Variants in EEF1AKMT3 observed in about 807,000 individuals in gnomAD.
EEF1AKMT3 encodes the protein EEF1A lysine methyltransferase 3, also known as eEF1A-KMT3.
In EEF1AKMT3, 17 loss-of-function variants were observed where a neutral mutation model predicts 17.8. The observed-to-expected ratio is 0.96, with a 90% CI of 0.65 to 1.43. EEF1AKMT3 has a LOEUF of 1.43. EEF1AKMT3 is among the 40% of genes most tolerant of loss of function. The pLI, the probability that EEF1AKMT3 is intolerant of heterozygous loss-of-function variation, is 0.00. For missense variants in EEF1AKMT3, 244 were observed against 285.8 expected, an observed-to-expected ratio of 0.85 and a Z score of 1.06; for synonymous variants, 116 against 126.5, an observed-to-expected ratio of 0.92 and a Z score of 0.56.
chr12:57,780,815 C>A lies in EEF1AKMT3; in HGVS notation c.*169C>A. 1.2e-6 allele frequency: 1 copy of A among 847,256 alleles called. No individual in the cohort carries two copies. 52.5% of individuals were successfully genotyped at this position (847,256 alleles called of 1,614,324 possible). The stretch of plus-strand genomic sequence containing the variant: ...TACCCCAGATACTCTTGGGCAGGTG[C>A]AGTGAGGTGCCTGCTTACAAGGAAT... On this transcript the variant is annotated 3_prime_UTR_variant, in exon 3 of 3. Transcript: ENST00000300209.
chr12:57,779,730 A>C (rs1401011270), intron 2 of EEF1AKMT3, among the ~76,000 whole-genome samples: 1 of 152,092 alleles, frequency 6.6e-6, no homozygotes, highest in Non-Finnish European at 1.5e-5. Flanking sequence ...TGTCATAATC[A>C]CTTTCCCTTT....
chr12:57,772,806 T>A lies in EEF1AKMT3; in HGVS notation c.82T>A (p.Ser28Thr), dbSNP rs778672886. The change falls in exon 1 of 3, where the codon TCG (serine) becomes ACG (threonine). Residue 28 changes from serine to threonine, a missense_variant. Coordinates refer to ENST00000300209, the MANE Select transcript of EEF1AKMT3 (RefSeq NM_015433.3). The surrounding 1 kb of genome is among the most constrained non-coding windows in gnomAD (Gnocchi z 4.1). ...REVGLFADSYSEKSQFCFCGH... is the reference protein window; with the variant it reads ...REVGLFADSYTEKSQFCFCGH... ...GGTCGGGCTCTTTGCAGACTCTTAC[T>A]CGGAGAAGAGCCAGTTCTGTTTCTG... 6.2e-7 allele frequency: 1 copy of A among 1,614,162 alleles called. No individual in the cohort carries two copies.
Position 57,782,154 on chromosome 12 carries a change from C to A in EEF1AKMT3, c.*1508C>A, listed in dbSNP as rs1955520532. On this transcript the variant is annotated 3_prime_UTR_variant, in exon 3 of 3. Transcript: ENST00000300209. The stretch of plus-strand genomic sequence containing the variant: ...TGTCAAAATCTTCATTATTCTTTGC[C>A]TCTTTCCTGAGCCTCTTGCTTGAAT... 6.6e-6 allele frequency: 1 copy of A among 152,222 alleles called. No homozygotes were observed. The highest frequency in any genetic ancestry group is 6.5e-5 in the Admixed American group (1 of 15,292). 9.4% of individuals were successfully genotyped at this position (152,222 alleles called of 1,614,324 possible).
intron 2 of EEF1AKMT3, among the ~76,000 whole-genome samples, chr12:57,778,858 G>C (rs1397504613): frequency 6.6e-6 from 1 of 151,988 alleles, no homozygotes; most frequent in Non-Finnish European, 1.5e-5. Context: ...ATGCCAGCGT[G>C]TGCCATTCTT....
At position 57,772,830 on chromosome 12, in the gene EEF1AKMT3, T is replaced by C. The variant is rs1334424639; in HGVS notation, c.106T>C (p.Cys36Arg). The change falls in exon 1 of 3, where the codon TGT becomes CGT. Residue 36 changes from cysteine to arginine, a missense_variant. Physicochemically the swap from Cys to Arg is radical, Grantham distance 180 (BLOSUM62 -3). Transcript: ENST00000300209. The surrounding 1 kb of genome is among the most constrained non-coding windows in gnomAD (Gnocchi z 4.1). Reference protein sequence around the residue: ...SYSEKSQFCFCGHVLTITQNF... With the variant: ...SYSEKSQFCFRGHVLTITQNF... ...CTCGGAGAAGAGCCAGTTCTGTTTC[T>C]GTGGGCATGTGCTGACCATCACGCA... is the stretch of plus-strand genomic sequence containing the variant. The C allele has an allele frequency of 1.2e-6, 2 of 1,614,196 alleles. No individual in the cohort carries two copies. The highest frequency in any genetic ancestry group is 4.5e-5 in the East Asian group (2 of 44,880).
At chr12:57,774,226 A>G (rs1412005565) in intron 2 of EEF1AKMT3, among the ~76,000 whole-genome samples, 1 of 152,226 alleles carries the variant, frequency 6.6e-6, no homozygotes, top group Non-Finnish European at 1.5e-5. Context: ...CACACCTGTA[A>G]TCCCAGCCCT....
At chr12:57,777,375 A>G (rs561971707) in intron 2 of EEF1AKMT3, among the ~76,000 whole-genome samples, 1 of 152,192 alleles carries the variant, frequency 6.6e-6, no homozygotes, top group African/African-American at 2.4e-5. Context: ...TTCAGTGTCT[A>G]GTTCCTCTCC....
At position 57,781,067 on chromosome 12, in the gene EEF1AKMT3, C is replaced by CTT; in HGVS notation, c.*429_*430dup. ...CTGTGGGATTTTTTTTTCTTTTTTT[C>CTT]TTTTTTTTTGAGACAGGGTCTCACT... On this transcript the variant is annotated 3_prime_UTR_variant, in exon 3 of 3. Coordinates refer to ENST00000300209, the MANE Select transcript of EEF1AKMT3 (RefSeq NM_015433.3). 5.0e-6 allele frequency: 1 copy of CTT among 200,600 alleles called. No homozygotes were observed. Among genetic ancestry groups the CTT allele is most frequent in the South Asian group, 8.1e-5 (1 of 12,392 alleles). The allele number at this position is 200,600 out of a possible 1,614,324, so 12.4% of individuals were successfully genotyped here.
At chr12:57,775,651 A>C in intron 2 of EEF1AKMT3, among the ~76,000 whole-genome samples, 1 of 152,168 alleles carries the variant, frequency 6.6e-6, no homozygotes, top group East Asian at 1.9e-4. Flanking sequence ...TGTCTGGGGA[A>C]GTATTATCTT....
chr12:57,778,307 T>TTTTTTTTTTTTTTTTTTTTTTTTTTC (rs536788916), intron 2 of EEF1AKMT3, among the ~76,000 whole-genome samples: 4 of 105,388 alleles, frequency 3.8e-5, no homozygotes, highest in Non-Finnish European at 7.9e-5. Flanking sequence ...TTTTTTTTTT[T>TTTTTTTTTTTTTTTTTTTTTTTTTTC]TGAGACAGGT....
In EEF1AKMT3 at chr12:57,780,788, G is replaced by T; in HGVS notation, c.*142G>T. On this transcript the variant is annotated 3_prime_UTR_variant, in exon 3 of 3. Transcript: ENST00000300209. ...CTCTCACTTTCCTCCTTCCCTCTTT[G>T]TTACCCCAGATACTCTTGGGCAGGT... 3.5e-6 allele frequency: 4 copies of T among 1,136,618 alleles called. No homozygotes were observed. In the South Asian group the frequency reaches 6.2e-5, roughly 18 times the overall value. The allele number at this position is 1,136,618 out of a possible 1,614,324, so 70.4% of individuals were successfully genotyped here. A position where few individuals can be genotyped will look rare whatever the true frequency, so the allele number is the denominator to read the frequency against.
chr12:57,781,022 G>A lies in EEF1AKMT3; in HGVS notation c.*376G>A, dbSNP rs1337060040. On this transcript the variant is annotated 3_prime_UTR_variant, in exon 3 of 3. Coordinates refer to ENST00000300209, the MANE Select transcript of EEF1AKMT3 (RefSeq NM_015433.3). ...TTCCATTCCTGTTGCTGTTTACACAGAATGGACTTTAAAAAAATTCTGTGG... is the reference window on the plus strand; with the variant it reads ...TTCCATTCCTGTTGCTGTTTACACAAAATGGACTTTAAAAAAATTCTGTGG... 4.4e-6 allele frequency: 1 copy of A among 228,116 alleles called. No homozygotes were observed. The highest frequency in any genetic ancestry group is 2.3e-5 in the African/African-American group (1 of 42,904). 14.1% of individuals were successfully genotyped at this position (228,116 alleles called of 1,614,324 possible).
At chr12:57,776,052 T>C (rs1193558536) in intron 2 of EEF1AKMT3, among the ~76,000 whole-genome samples, 2 of 152,214 alleles carry the variant, frequency 1.3e-5, no homozygotes, top group African/African-American at 2.4e-5. Context: ...ACCTCTGCCC[T>C]TCCACCTAGT....
At chr12:57,778,168 C>A (rs529501200) in intron 2 of EEF1AKMT3, among the ~76,000 whole-genome samples, 1 of 151,940 alleles carries the variant, frequency 6.6e-6, no homozygotes, top group African/African-American at 2.4e-5. Context: ...TCAAACTTAA[C>A]GTGCTCAGAA....
At chr12:57,777,748 G>A (rs1024888087) in intron 2 of EEF1AKMT3, among the ~76,000 whole-genome samples, 1 of 152,148 alleles carries the variant, frequency 6.6e-6, no homozygotes, top group Non-Finnish European at 1.5e-5. Context: ...AGCCGGACGC[G>A]GTGGCTTACG....
chr12:57,774,917 C>T (rs968976885), intron 2 of EEF1AKMT3: 3 of 612,082 alleles, frequency 4.9e-6, no homozygotes, highest in African/African-American at 3.7e-5. Context: ...ACCAGCCTGA[C>T]CAACATGGAG....
At chr12:57,773,521 G>C (rs985863602) in intron 2 of EEF1AKMT3, among the ~76,000 whole-genome samples, 5 of 151,934 alleles carry the variant, frequency 3.3e-5, no homozygotes, top group Non-Finnish European at 7.4e-5. Flanking sequence ...GCTGCCTCCC[G>C]GGTTCAAGCA....
At chr12:57,779,192 C>T (rs756417796) in intron 2 of EEF1AKMT3, among the ~76,000 whole-genome samples, 6 of 152,116 alleles carry the variant, frequency 3.9e-5, no homozygotes, top group African/African-American at 2.4e-5. Flanking sequence ...AGGTAGGAGC[C>T]GAGAACCCTT....
chr12:57,773,230 G>A, intron 2 of EEF1AKMT3, 102 bp downstream of exon 2: 1 of 1,059,468 alleles, frequency 9.4e-7, no homozygotes, highest in Non-Finnish European at 1.4e-6. Flanking sequence ...TTTGGGCCCA[G>A]TCTAACCCCT....
Sources: gnomAD v4.1 joint callset for allele counts (sites outside exome capture counted in the v4.1 genomes callset) on GRCh38, gnomAD v4.1.1 for gene constraint, Gnocchi (gnomAD v3.1) non-coding constraint, MANE v1.5 for transcripts, NCBI Gene and HGNC (gene_info 2026-07-23, HGNC 2026-07-21) for gene names.